GLI2: variants seen among roughly 807,000 people sequenced by gnomAD.
The protein encoded by GLI2 is GLI family zinc finger 2, also known as transcription activator GLI2.
GLI2 carries 22 observed loss-of-function variants against 78.9 expected under a neutral mutation model. That is an observed-to-expected ratio of 0.28 (90% confidence interval 0.20 to 0.40). The LOEUF is 0.40. Among genes scored for constraint, GLI2 ranks in the 10% least tolerant of loss-of-function variants. The pLI is 1.00. For missense variants in GLI2, 2,097 were observed against 2,213.2 expected (o/e 0.95, Z 1.05); for synonymous variants, 974 against 963.7 (o/e 1.01, Z -0.20).
At chr2:120,966,458 G>T (rs1400879548) in intron 5 of GLI2, among the ~76,000 whole-genome samples, 2 of 152,178 alleles carry the variant, frequency 1.3e-5, no homozygotes, top group African/African-American at 2.4e-5. Context: ...ATCCCAGGCT[G>T]CTGGCTGTCT....
intron 2 of GLI2, among the ~76,000 whole-genome samples, chr2:120,880,708 C>T (rs1330698873): frequency 6.6e-6 from 1 of 152,144 alleles, no homozygotes. Context: ...GAGGTATCTG[C>T]GTATGAGAGA....
At chr2:120,780,281 C>G (rs1558792333) in intron 1 of GLI2, among the ~76,000 whole-genome samples, 1 of 152,162 alleles carries the variant, frequency 6.6e-6, no homozygotes, top group Non-Finnish European at 1.5e-5. Flanking sequence ...CCAAGAAGAT[C>G]CACTTGCCGA....
At chr2:120,840,516 G>T (rs1686815192) in intron 2 of GLI2, among the ~76,000 whole-genome samples, 1 of 152,182 alleles carries the variant, frequency 6.6e-6, no homozygotes, top group Admixed American at 6.5e-5. Context: ...GTGCTTTTCT[G>T]TGTGACTACC....
intron 2 of GLI2, among the ~76,000 whole-genome samples, chr2:120,852,788 G>A (rs1687473289): frequency 6.6e-6 from 1 of 152,170 alleles, no homozygotes; most frequent in Admixed American, 6.5e-5. Context: ...GTATGCCTTG[G>A]TAGGTCATCA....
chr2:120,761,935 T>A (rs1683225452), intron 1 of GLI2, among the ~76,000 whole-genome samples: 1 of 152,164 alleles, frequency 6.6e-6, no homozygotes, highest in Admixed American at 6.5e-5. Context: ...AAAGGGTTAT[T>A]CCCCTTCTGC....
chr2:120,894,582 C>T (rs964056456), intron 2 of GLI2, among the ~76,000 whole-genome samples: 4 of 151,624 alleles, frequency 2.6e-5, no homozygotes, highest in African/African-American at 9.8e-5. Flanking sequence ...TCCTTGAGGA[C>T]CACAAATGAA....
intron 2 of GLI2, among the ~76,000 whole-genome samples, chr2:120,829,100 G>GCACC (rs3053865): frequency 0.78 from 118,554 of 151,512 alleles, 46,938 homozygotes; most frequent in South Asian, 0.87. Context: ...CCACGCACCT[G>GCACC]CACCCATGCA....
chr2:120,976,836 C>G (rs1367706997), intron 9 of GLI2, among the ~76,000 whole-genome samples: 4 of 152,358 alleles, frequency 2.6e-5, no homozygotes, highest in Admixed American at 6.5e-5. Context: ...CTGTCTCTCT[C>G]TGTTTCTCTC....
In GLI2 at chr2:120,873,767, C is replaced by T. The variant is rs141950327; in HGVS notation, c.149-53594C>T. On this transcript the variant is annotated intron_variant, in intron 2 of 13. Transcript: ENST00000361492. ...GGCTCCCCGAGCCTCCTCATCTGAC[C>T]GAACCTGTGTCCACAGAGCATCTGA... 1.0e-3 allele frequency among the ~76,000 whole-genome samples: 157 copies of T among 152,288 alleles called. 6 individuals carry two copies. The East Asian group carries it at 0.022, about 21-fold the overall frequency.
intron 3 of GLI2, among the ~76,000 whole-genome samples, chr2:120,940,460 C>A (rs550901192): frequency 1.3e-4 from 20 of 152,328 alleles, no homozygotes; most frequent in African/African-American, 4.3e-4. Flanking sequence ...CCATTCCATT[C>A]TCTTATAAGA....
At position 120,784,736 on chromosome 2, in the gene GLI2, C is replaced by T. The variant is rs1284549051; in HGVS notation, c.-30-12555C>T. ...TCTGCTTTAGCAGGCCTTTCTGGACCGGAACTGTTCTTCCTTTGAAAATGC... is the reference window on the plus strand; with the variant it reads ...TCTGCTTTAGCAGGCCTTTCTGGACTGGAACTGTTCTTCCTTTGAAAATGC... On this transcript the variant is annotated intron_variant, in intron 1 of 13. Coordinates refer to ENST00000361492, the MANE Select transcript of GLI2 (RefSeq NM_001374353.1). 2.6e-5 allele frequency among the ~76,000 whole-genome samples: 4 copies of T among 152,262 alleles called. No individual in the cohort carries two copies. In the South Asian group the frequency reaches 6.2e-4, roughly 24 times the overall value.
At chr2:120,900,703 TAAAA>T (rs1678209114) in intron 2 of GLI2, among the ~76,000 whole-genome samples, 1 of 152,130 alleles carries the variant, frequency 6.6e-6, no homozygotes, top group South Asian at 2.1e-4. Flanking sequence ...AGCCCCTGGG[TAAAA>T]TAGACAAGGG....
In GLI2 at chr2:120,775,906, C is replaced by T. The variant is rs551540469; in HGVS notation, c.-30-21385C>T. On this transcript the variant is annotated intron_variant, in intron 1 of 13. Coordinates refer to ENST00000361492, the MANE Select transcript of GLI2 (RefSeq NM_001374353.1). ...GCCAAGTAACAGCAGACCCGGCCTT[C>T]CCCCGGGCTCCCATCCCTTTGTGTT... is the stretch of plus-strand genomic sequence containing the variant. Among the ~76,000 whole-genome samples, 4 of 152,334 alleles carry T rather than the reference C, an allele frequency of 2.6e-5. No individual in the cohort carries two copies. The South Asian group carries it at 8.3e-4, about 32-fold the overall frequency.
intron 3 of GLI2, 54 bp from the exon 4 acceptor site, chr2:120,951,189 G>T: frequency 9.6e-7 from 1 of 1,037,450 alleles, no homozygotes; most frequent in Non-Finnish European, 1.5e-6. Context: ...TTGGGGTCTT[G>T]GTGGGGTTCC....
At chr2:120,855,594 C>T (rs1223947591) in intron 2 of GLI2, among the ~76,000 whole-genome samples, 2 of 152,224 alleles carry the variant, frequency 1.3e-5, no homozygotes, top group Admixed American at 6.5e-5. Flanking sequence ...AGACGCTCTC[C>T]AGAGAAACCG....
chr2:120,753,881 A>G (rs1682958305), intron 1 of GLI2, among the ~76,000 whole-genome samples: 2 of 146,600 alleles, frequency 1.4e-5, no homozygotes, highest in African/African-American at 5.1e-5. Flanking sequence ...GCGCCACTGC[A>G]CTCCAGCCTG....
chr2:120,910,588 G>A lies in GLI2; in HGVS notation c.149-16773G>A, dbSNP rs533811379. On this transcript the variant is annotated intron_variant, in intron 2 of 13. Transcript: ENST00000361492. ...CCGGGGTGGGCCCTTTGCCATCCTC[G>A]CCGCCCTAATTACACAAGCAGCATG... Among the ~76,000 whole-genome samples the A allele has an allele frequency of 1.8e-4, 27 of 152,270 alleles. No individual in the cohort carries two copies. In the South Asian group the frequency reaches 1.9e-3, roughly 11 times the overall value.
intron 3 of GLI2, among the ~76,000 whole-genome samples, chr2:120,944,042 C>T (rs1680589192): frequency 6.6e-6 from 1 of 152,220 alleles, no homozygotes; most frequent in African/African-American, 2.4e-5. Context: ...TACACACCGT[C>T]CAGGTACACA....
chr2:120,911,311 T>C (rs1167080114), intron 2 of GLI2, among the ~76,000 whole-genome samples: 3 of 152,152 alleles, frequency 2.0e-5, no homozygotes, highest in African/African-American at 7.2e-5. Flanking sequence ...ATAGTAACAA[T>C]ACCTTCATCA....
Sources: allele counts gnomAD v4.1 joint callset (sites outside exome capture counted in the v4.1 genomes callset), GRCh38; gene constraint gnomAD v4.1.1; transcripts MANE v1.5; gene names NCBI Gene and HGNC (gene_info 2026-07-23, HGNC 2026-07-21).